UVRAG: variants seen among roughly 807,000 people sequenced by gnomAD.
The protein encoded by UVRAG is UV radiation resistance associated, also known as UV radiation resistance-associated gene protein.
UVRAG carries 19 observed loss-of-function variants against 78.0 expected under a neutral mutation model. The ratio of observed to expected loss-of-function variants is 0.24; its 90% CI spans 0.17 to 0.36. UVRAG has a LOEUF of 0.36. UVRAG is among the 10% of genes least tolerant of loss of function. The probability of loss-of-function intolerance (pLI) is 1.00; values close to 1 mark genes in which losing one functional copy is unlikely to be tolerated. For synonymous variants in UVRAG, 323 were observed against 324.6 expected (o/e 1.00, Z 0.05); for missense variants, 740 against 853.8 (o/e 0.87, Z 1.66).
intron 7 of UVRAG, among the ~76,000 whole-genome samples, chr11:75,972,642 C>T (rs1259838763): frequency 6.6e-6 from 1 of 152,204 alleles, no homozygotes. Flanking sequence ...CCATACCACC[C>T]TGTCTTGATT....
At chr11:75,891,353 G>A (rs565762833) in intron 5 of UVRAG, among the ~76,000 whole-genome samples, 3 of 152,206 alleles carry the variant, frequency 2.0e-5, no homozygotes, top group African/African-American at 7.2e-5. Context: ...AATATCTCAT[G>A]TACAGGGTTA....
chr11:76,052,855 G>A (rs146221862), intron 12 of UVRAG, among the ~76,000 whole-genome samples: 287 of 151,754 alleles, frequency 1.9e-3, no homozygotes, highest in African/African-American at 6.6e-3. Context: ...CATCTAAAAT[G>A]TTTATAATTC....
Position 75,851,966 on chromosome 11 carries a change from A to C in UVRAG, c.201A>C (p.Thr67=). 1 of 1,613,518 alleles carries C rather than the reference A, an allele frequency of 6.2e-7. No homozygotes were observed. The highest frequency in any genetic ancestry group is 8.5e-7 in the Non-Finnish European group (1 of 1,179,590). ...ATCAGCTCCTTGATACCTACTTTAC[A>C]CTTCACTTGTGTAGTACTGAAAAGA... ...NGHQLLDTYF[T]LHLCSTEKIY... is the part of the protein sequence containing the mutation. The change falls in exon 2 of 15, where the codon ACA becomes ACC. Residue 67 remains threonine, a synonymous_variant. Transcript: ENST00000356136.
At chr11:75,830,234 A>C (rs556469589) in intron 1 of UVRAG, among the ~76,000 whole-genome samples, 16 of 152,272 alleles carry the variant, frequency 1.1e-4, no homozygotes, top group African/African-American at 2.9e-4. Context: ...GGAATGCCAG[A>C]ATATCTTTGA....
At chr11:75,921,273 C>T (rs1374511462) in intron 6 of UVRAG, among the ~76,000 whole-genome samples, 1 of 152,042 alleles carries the variant, frequency 6.6e-6, no homozygotes, top group African/African-American at 2.4e-5. Context: ...TAAATGATAC[C>T]TCAGTATTAC....
chr11:76,050,073 C>A (rs1441441126), intron 12 of UVRAG, among the ~76,000 whole-genome samples: 1 of 152,208 alleles, frequency 6.6e-6, no homozygotes. Flanking sequence ...GCATCAACAT[C>A]ATTGTTATTG....
chr11:76,119,958 G>A (rs930146560), intron 14 of UVRAG, among the ~76,000 whole-genome samples: 3 of 152,058 alleles, frequency 2.0e-5, no homozygotes, highest in African/African-American at 4.8e-5. Context: ...CCACTCTCAC[G>A]TCCTGTCGCT....
chr11:76,046,932 C>CA (rs11413225), intron 12 of UVRAG, among the ~76,000 whole-genome samples: 152,333 of 152,336 alleles, frequency 1, 76,165 homozygotes, highest in Middle Eastern at 1. Context: ...GCTTGTAGAA[C>CA]ATTTTGTTTT....
chr11:76,030,656 A>G (rs772636234), intron 12 of UVRAG, among the ~76,000 whole-genome samples: 1 of 152,070 alleles, frequency 6.6e-6, no homozygotes. Context: ...AGTATTTCCT[A>G]CCTTGATACT....
rs1037172923 is a variant in UVRAG at position 76,008,825 on chromosome 11, T to C, written c.1018T>C (p.Phe340Leu). The C allele has an allele frequency of 3.4e-6, 5 of 1,492,348 alleles. No individual in the cohort carries two copies. The highest frequency in any genetic ancestry group is 4.5e-6 in the Non-Finnish European group (5 of 1,107,086). The allele number at this position is 1,492,348 out of a possible 1,614,324, so 92.4% of individuals were successfully genotyped here. A position where few individuals can be genotyped will look rare whatever the true frequency, so the allele number is the denominator to read the frequency against. The change falls in exon 11 of 15, where the codon TTT (phenylalanine) becomes CTT (leucine). Residue 340 changes from phenylalanine to leucine, a missense_variant. Phe to Leu is a conservative substitution (Grantham distance 22, BLOSUM62 0). Transcript: ENST00000356136. ...TTCACAGAATGAACATAAGGATTAC[T>C]TTGTATGCGGTGTCAAGTTGCCTAA... Reference protein sequence around the residue: ...PIDLNEHKDYFVCGVKLPNSE... With the variant: ...PIDLNEHKDYLVCGVKLPNSE...
At chr11:75,967,367 T>A (rs1949042532) in intron 7 of UVRAG, among the ~76,000 whole-genome samples, 1 of 152,238 alleles carries the variant, frequency 6.6e-6, no homozygotes, top group Non-Finnish European at 1.5e-5. Flanking sequence ...AAATATTTTC[T>A]GCGGAAATCT....
chr11:76,119,991 G>C (rs1952246802), intron 14 of UVRAG, among the ~76,000 whole-genome samples: 1 of 152,166 alleles, frequency 6.6e-6, no homozygotes, highest in South Asian at 2.1e-4. Context: ...GTGTAGTCAT[G>C]TGAATAAGCT....
chr11:75,888,820 C>T lies in UVRAG; in HGVS notation c.433-9C>T. On this transcript the variant is annotated splice_polypyrimidine_tract_variant and intron_variant, in intron 4 of 14. Coordinates refer to ENST00000356136, the MANE Select transcript of UVRAG (RefSeq NM_003369.4). ...AAATAACAAATACTGTATTTTCCTC[C>T]TCTCTTAGATTCATGCCCGAAACCA... 6.2e-7 allele frequency: 1 copy of T among 1,608,926 alleles called. No homozygotes were observed. The highest frequency in any genetic ancestry group is 8.5e-7 in the Non-Finnish European group (1 of 1,177,108).
intron 11 of UVRAG, among the ~76,000 whole-genome samples, chr11:76,015,257 C>T (rs1322734433): frequency 6.6e-6 from 1 of 152,146 alleles, no homozygotes; most frequent in African/African-American, 2.4e-5. Flanking sequence ...GTCCCAGTTA[C>T]TTGGGAGGCT....
intron 14 of UVRAG, among the ~76,000 whole-genome samples, chr11:76,121,697 C>A (rs1952279523): frequency 1.3e-5 from 2 of 152,168 alleles, no homozygotes; most frequent in African/African-American, 4.8e-5. Context: ...CTCAACAGAC[C>A]CCCAGGCATA....
rs1952171878 is a variant in UVRAG at position 76,115,972 on chromosome 11, C to A, written c.1354C>A (p.Pro452Thr). The A allele has an allele frequency of 3.7e-6, 6 of 1,613,934 alleles. No homozygotes were observed. In the East Asian group the frequency reaches 1.3e-4, roughly 36 times the overall value. Residue 452 changes from proline (P) to threonine (T), a missense_variant, in exon 14 of 15, where the codon CCC (proline) becomes ACC (threonine). Coordinates refer to ENST00000356136, the MANE Select transcript of UVRAG (RefSeq NM_003369.4). ...GACTCCAGACTTGCGGCAAACCCTTCCCAACCTGAAAAACTTCATGGAGCA... is the reference window on the plus strand; with the variant it reads ...GACTCCAGACTTGCGGCAAACCCTTACCAACCTGAAAAACTTCATGGAGCA... ...LGTPDLRQTL[P>T]NLKNFMEHGL...
chr11:76,110,249 A>G (rs1952047214), intron 13 of UVRAG, among the ~76,000 whole-genome samples: 1 of 137,312 alleles, frequency 7.3e-6, no homozygotes, highest in South Asian at 2.1e-4. Flanking sequence ...TAATGATAAC[A>G]GGTATTTTAT....
chr11:76,120,637 G>C (rs149013268), intron 14 of UVRAG, among the ~76,000 whole-genome samples: 83 of 152,288 alleles, frequency 5.5e-4, no homozygotes, highest in African/African-American at 1.9e-3. Flanking sequence ...TTAACACTGA[G>C]TGAACAGGAA....
chr11:76,051,792 A>C (rs1950873883), intron 12 of UVRAG, among the ~76,000 whole-genome samples: 1 of 152,164 alleles, frequency 6.6e-6, no homozygotes, highest in African/African-American at 2.4e-5. Context: ...TGGTTGGCAC[A>C]TACGTCTCAT....
Sources: gnomAD v4.1 joint callset for allele counts (sites outside exome capture counted in the v4.1 genomes callset) on GRCh38, gnomAD v4.1.1 for gene constraint, MANE v1.5 for transcripts, NCBI Gene and HGNC (gene_info 2026-07-23, HGNC 2026-07-21) for gene names.